FBXL17: variants seen among roughly 807,000 people sequenced by gnomAD.
The protein encoded by FBXL17 is F-box and leucine rich repeat protein 17, also known as F-box/LRR-repeat protein 17.
A neutral mutation model predicts 66.2 loss-of-function variants in FBXL17; 22 were observed. The ratio of observed to expected loss-of-function variants is 0.33; its 90% CI spans 0.24 to 0.47. FBXL17 has a LOEUF of 0.47. Among genes scored for constraint, FBXL17 ranks in the 20% least tolerant of loss-of-function variants. The probability of loss-of-function intolerance (pLI) is 1.00; values close to 1 mark genes in which losing one functional copy is unlikely to be tolerated. For missense variants in FBXL17, 878 were observed against 948.2 expected (o/e 0.93, Z 0.97); for synonymous variants, 474 against 400.5 (o/e 1.18, Z -2.19).
At chr5:107,928,306 C>G (rs1447545776) in intron 7 of FBXL17, among the ~76,000 whole-genome samples, 2 of 151,992 alleles carry the variant, frequency 1.3e-5, no homozygotes, top group African/African-American at 4.8e-5. Flanking sequence ...AATACATATA[C>G]AGTGGCAATC....
chr5:108,364,898 C>G lies in FBXL17; in HGVS notation c.1214G>C (p.Cys405Ser). The G allele has an allele frequency of 6.2e-7, 1 of 1,613,050 alleles. No individual in the cohort carries two copies. Among genetic ancestry groups the G allele is most frequent in the Non-Finnish European group, 8.5e-7 (1 of 1,179,272 alleles). ...DCRSMSDNGVCVLAFKCPGLL... is the reference protein window; with the variant it reads ...DCRSMSDNGVSVLAFKCPGLL... Reference sequence around the variant, plus strand: ...TCCAGGACATTTAAATGCTAAAACACATACGCCATTATCAGACATACTGCG... The same window carrying G: ...TCCAGGACATTTAAATGCTAAAACAGATACGCCATTATCAGACATACTGCG... The change falls in exon 3 of 9, where the codon TGT becomes TCT. Residue 405 changes from cysteine (C) to serine (S), a missense_variant. Physicochemically the swap from Cys to Ser is moderately radical, Grantham distance 112. This residue lies in a region of FBXL17 where 236 missense variants were observed against 389.1 expected (regional missense o/e 0.61). Coordinates refer to ENST00000542267, the MANE Select transcript of FBXL17 (RefSeq NM_001163315.3).
intron 4 of FBXL17, among the ~76,000 whole-genome samples, chr5:108,239,999 G>A (rs1755782976): frequency 6.6e-6 from 1 of 152,016 alleles, no homozygotes; most frequent in South Asian, 2.1e-4. Context: ...ACCTTGGCCT[G>A]GAAGGATTCA....
At chr5:107,910,001 T>A (rs1749895616) in intron 7 of FBXL17, among the ~76,000 whole-genome samples, 1 of 152,094 alleles carries the variant, frequency 6.6e-6, no homozygotes, top group Non-Finnish European at 1.5e-5. Context: ...AAAAGTAAAG[T>A]CACTAAATTA....
chr5:107,940,674 C>T (rs188242581), intron 7 of FBXL17, among the ~76,000 whole-genome samples: 17 of 152,154 alleles, frequency 1.1e-4, no homozygotes, highest in South Asian at 2.1e-4. Flanking sequence ...GTAATGGGTC[C>T]GTTCTAGGAA....
chr5:108,242,781 A>T lies in FBXL17; in HGVS notation c.1507-18553T>A, dbSNP rs569747142. 2.0e-5 allele frequency among the ~76,000 whole-genome samples: 3 copies of T among 152,292 alleles called. No homozygotes were observed. In the South Asian group the frequency reaches 6.2e-4, roughly 32 times the overall value. ...TATTTTAATATATCTATAAAAGATAAGTCTCTTTAAAAATCATAACCATAA... is the reference window on the plus strand; with the variant it reads ...TATTTTAATATATCTATAAAAGATATGTCTCTTTAAAAATCATAACCATAA... On this transcript the variant is annotated intron_variant, in intron 4 of 8. Coordinates refer to ENST00000542267, the MANE Select transcript of FBXL17 (RefSeq NM_001163315.3).
intron 7 of FBXL17, among the ~76,000 whole-genome samples, chr5:107,983,448 C>T (rs372862414): frequency 6.6e-6 from 1 of 151,980 alleles, no homozygotes; most frequent in Non-Finnish European, 1.5e-5. Flanking sequence ...CCCATCTCAG[C>T]CTCCCAAAGT....
intron 6 of FBXL17, among the ~76,000 whole-genome samples, chr5:108,116,726 G>A (rs888964765): frequency 1.2e-4 from 15 of 127,000 alleles, no homozygotes; most frequent in Non-Finnish European, 1.9e-4. Flanking sequence ...GAATAATACC[G>A]TTTTCAAAAG....
rs142789419 is a variant in FBXL17, at chr5:108,131,029, A to G, written c.1745+55088T>C. Among the ~76,000 whole-genome samples, 176 of 152,244 alleles carry G rather than the reference A, an allele frequency of 1.2e-3. 1 individual carries two copies. The highest frequency in any genetic ancestry group is 3.4e-3 in the Middle Eastern group (1 of 294). ...CTCAAGAAACATAGTTTTCATATAC[A>G]TCTCTAAGCAATTCTCAACTCTGCT... On this transcript the variant is annotated intron_variant, in intron 6 of 8. Coordinates refer to ENST00000542267, the MANE Select transcript of FBXL17 (RefSeq NM_001163315.3).
chr5:108,291,823 T>C (rs891613116), intron 4 of FBXL17, among the ~76,000 whole-genome samples: 1 of 152,204 alleles, frequency 6.6e-6, no homozygotes, highest in Non-Finnish European at 1.5e-5. Flanking sequence ...GCAGTCAGTC[T>C]TGAGTACTGC....
rs543556962 is a variant in FBXL17 at position 108,279,270 on chromosome 5, T to C, written c.1507-55042A>G. 6.6e-4 allele frequency among the ~76,000 whole-genome samples: 101 copies of C among 152,210 alleles called. 1 individual carries two copies. Among genetic ancestry groups the C allele is most frequent in the Non-Finnish European group, 1.2e-3 (80 of 68,012 alleles). The stretch of plus-strand genomic sequence containing the variant: ...AGCATGCCTGGAATCACTAACACAG[T>C]TGCCAGTGTTCAAAGCCCTGGGAAC... On this transcript the variant is annotated intron_variant, in intron 4 of 8. Coordinates refer to ENST00000542267, the MANE Select transcript of FBXL17 (RefSeq NM_001163315.3).
At chr5:108,255,318 TTTC>T (rs1756530165) in intron 4 of FBXL17, among the ~76,000 whole-genome samples, 1 of 152,160 alleles carries the variant, frequency 6.6e-6, no homozygotes, top group South Asian at 2.1e-4. Context: ...ATTTTCACTT[TTTC>T]ATTTGGTTGT....
chr5:108,174,860 G>T (rs1752734989), intron 6 of FBXL17, among the ~76,000 whole-genome samples: 1 of 150,230 alleles, frequency 6.7e-6, no homozygotes, highest in Non-Finnish European at 1.5e-5. Context: ...TTCACTCAAA[G>T]TATTCCAAAG....
intron 7 of FBXL17, among the ~76,000 whole-genome samples, chr5:107,905,389 G>C (rs1246136319): frequency 1.3e-5 from 2 of 152,018 alleles, no homozygotes; most frequent in Non-Finnish European, 2.9e-5. Context: ...ACATTGTTCT[G>C]ATTAATTCCT....
chr5:108,181,027 A>G (rs867769116), intron 6 of FBXL17, among the ~76,000 whole-genome samples: 2 of 152,216 alleles, frequency 1.3e-5, no homozygotes, highest in African/African-American at 4.8e-5. Flanking sequence ...ATTAAAATCA[A>G]TTAGATTTTA....
chr5:108,140,659 A>G (rs892573878), intron 6 of FBXL17, among the ~76,000 whole-genome samples: 4 of 152,100 alleles, frequency 2.6e-5, no homozygotes, highest in African/African-American at 9.7e-5. Flanking sequence ...TGTAACAGTC[A>G]CCTATAGATT....
At chr5:107,975,867 T>G in intron 7 of FBXL17, among the ~76,000 whole-genome samples, 1 of 150,608 alleles carries the variant, frequency 6.6e-6, no homozygotes, top group African/African-American at 2.4e-5. Context: ...GTTTTTTTTT[T>G]TTTTTTTTTT....
At chr5:108,068,759 T>A (rs370522329) in intron 6 of FBXL17, among the ~76,000 whole-genome samples, 1 of 152,192 alleles carries the variant, frequency 6.6e-6, no homozygotes, top group African/African-American at 2.4e-5. Flanking sequence ...GCCCGGCCAA[T>A]ACTCCTAATT....
intron 4 of FBXL17, among the ~76,000 whole-genome samples, chr5:108,342,755 G>A (rs1746972152): frequency 6.6e-6 from 1 of 152,186 alleles, no homozygotes; most frequent in East Asian, 1.9e-4. Flanking sequence ...TGGTAGTTAT[G>A]AGGATTAATT....
At chr5:108,359,249 G>A (rs1047311475) in intron 3 of FBXL17, among the ~76,000 whole-genome samples, 3 of 151,924 alleles carry the variant, frequency 2.0e-5, no homozygotes, top group South Asian at 2.1e-4. Flanking sequence ...AAATCTTTTC[G>A]AAGAACCTAG....
Sources: allele counts gnomAD v4.1 joint callset (sites outside exome capture counted in the v4.1 genomes callset), GRCh38; gene constraint gnomAD v4.1.1; regional missense constraint gnomAD v4.1.1; transcripts MANE v1.5; gene names NCBI Gene and HGNC (gene_info 2026-07-23, HGNC 2026-07-21).